PIP4K2A: variants seen among roughly 807,000 people sequenced by gnomAD.
PIP4K2A encodes phosphatidylinositol 5-phosphate 4-kinase type-2 alpha.
A neutral mutation model predicts 42.9 loss-of-function variants in PIP4K2A; 14 were observed. The observed-to-expected ratio is 0.33, with a 90% CI of 0.22 to 0.51. The LOEUF is 0.51. Among genes scored for constraint, PIP4K2A ranks in the 20% least tolerant of loss-of-function variants. The probability of loss-of-function intolerance (pLI) is 0.97; values close to 1 mark genes in which losing one functional copy is unlikely to be tolerated. For missense variants in PIP4K2A, 434 were observed against 519.8 expected, an observed-to-expected ratio of 0.83 and a Z score of 1.61; for synonymous variants, 192 against 192.2, an observed-to-expected ratio of 1.00 and a Z score of 0.01.
intron 1 of PIP4K2A, among the ~76,000 whole-genome samples, chr10:22,682,720 C>A (rs1839686752): frequency 6.6e-6 from 1 of 152,200 alleles, no homozygotes; most frequent in Admixed American, 6.5e-5. Context: ...CTTGTGAATT[C>A]CTCCAGACTG....
intron 1 of PIP4K2A, among the ~76,000 whole-genome samples, chr10:22,657,991 A>C (rs1048632386): frequency 1.3e-5 from 2 of 152,202 alleles, no homozygotes; most frequent in African/African-American, 4.8e-5. Flanking sequence ...CCCTACTGAG[A>C]TCACTGCTAC....
chr10:22,681,241 TCTC>T (rs1216827800), intron 1 of PIP4K2A, among the ~76,000 whole-genome samples: 1 of 152,192 alleles, frequency 6.6e-6, no homozygotes, highest in Admixed American at 6.5e-5. Flanking sequence ...TGTATTCCTT[TCTC>T]CTATTAATCT....
At chr10:22,579,865 T>C (rs1837219841) in intron 4 of PIP4K2A, among the ~76,000 whole-genome samples, 1 of 148,630 alleles carries the variant, frequency 6.7e-6, no homozygotes, top group Non-Finnish European at 1.5e-5. Context: ...GCCGAGAGTG[T>C]GCCACTGCAC....
At chr10:22,655,739 G>A (rs1407578830) in intron 1 of PIP4K2A, among the ~76,000 whole-genome samples, 2 of 152,120 alleles carry the variant, frequency 1.3e-5, no homozygotes, top group Non-Finnish European at 2.9e-5. Context: ...AAAACATTCC[G>A]ACATGCATCT....
At position 22,591,736 on chromosome 10, in the gene PIP4K2A, G is replaced by T; in HGVS notation, c.385C>A (p.Arg129Ser). 1 of 1,613,250 alleles carries T rather than the reference G, an allele frequency of 6.2e-7. No individual in the cohort carries two copies. Among genetic ancestry groups the T allele is most frequent in the Non-Finnish European group, 8.5e-7 (1 of 1,179,490 alleles). The change falls in exon 4 of 10, where the codon CGC (arginine) becomes AGC (serine). Residue 129 changes from arginine (R) to serine (S), a missense_variant. Arg to Ser is a moderately radical substitution (Grantham distance 110, BLOSUM62 -1). Around this residue, in one of 2 missense-constraint regions of PIP4K2A, gnomAD observed 395 missense variants for 444.5 expected, o/e 0.89. Coordinates refer to ENST00000376573, the MANE Select transcript of PIP4K2A (RefSeq NM_005028.5). ...GAAGTGTGAAAACGAGCTCCACTGC[G>T]GGCCTGGGAGTCGTTGGGGAGGGGT... ...SAPLPNDSQA[R>S]SGARFHTSYD...
chr10:22,643,403 ACTGT>A (rs1029966242), intron 1 of PIP4K2A, among the ~76,000 whole-genome samples: 3 of 152,200 alleles, frequency 2.0e-5, no homozygotes, highest in African/African-American at 4.8e-5. Context: ...TAAAATACTT[ACTGT>A]CTTTTTGCAG....
intron 1 of PIP4K2A, among the ~76,000 whole-genome samples, chr10:22,623,134 T>C (rs1406378657): frequency 6.6e-6 from 1 of 151,882 alleles, no homozygotes; most frequent in Non-Finnish European, 1.5e-5. Flanking sequence ...AAAAGCGAGA[T>C]AGAGATGCGT....
chr10:22,708,852 G>GGA (rs1337592941), intron 1 of PIP4K2A, among the ~76,000 whole-genome samples: 3 of 152,172 alleles, frequency 2.0e-5, no homozygotes, highest in Non-Finnish European at 2.9e-5. Flanking sequence ...GTACAACCAT[G>GGA]GCTCCCTGCA....
At chr10:22,625,889 A>C (rs908823213) in intron 1 of PIP4K2A, among the ~76,000 whole-genome samples, 3 of 152,214 alleles carry the variant, frequency 2.0e-5, no homozygotes, top group African/African-American at 7.2e-5. Context: ...TAAATAACTC[A>C]GGAGGGAGGG....
At chr10:22,585,018 C>T (rs1230113191) in intron 4 of PIP4K2A, among the ~76,000 whole-genome samples, 6 of 152,168 alleles carry the variant, frequency 3.9e-5, no homozygotes, top group Admixed American at 1.3e-4. Context: ...ACAGACTCCC[C>T]GACAGCCCCT....
intron 1 of PIP4K2A, among the ~76,000 whole-genome samples, chr10:22,707,360 CTA>C (rs763476590): frequency 3.9e-5 from 6 of 152,270 alleles, no homozygotes; most frequent in Middle Eastern, 3.4e-3. Context: ...AGCTGAAAAA[CTA>C]TAAAGATTTA....
chr10:22,562,270 C>T (rs929288986), intron 6 of PIP4K2A, among the ~76,000 whole-genome samples: 11 of 152,164 alleles, frequency 7.2e-5, no homozygotes, highest in African/African-American at 2.4e-4. Context: ...TCGGCTTGGC[C>T]GGGCGCGGTG....
chr10:22,625,523 T>C (rs569130064), intron 1 of PIP4K2A, among the ~76,000 whole-genome samples: 62 of 152,344 alleles, frequency 4.1e-4, no homozygotes, highest in Non-Finnish European at 7.5e-4. Flanking sequence ...TCTATTGTTC[T>C]AAGGGAGATG....
chr10:22,623,574 AC>A (rs397799003), intron 1 of PIP4K2A, among the ~76,000 whole-genome samples: 1 of 112,374 alleles, frequency 8.9e-6, no homozygotes, highest in South Asian at 2.8e-4. Context: ...GAAGGGAGGT[AC>A]CCCCAGGAAC....
intron 1 of PIP4K2A, among the ~76,000 whole-genome samples, chr10:22,684,323 G>A (rs181508755): frequency 6.2e-4 from 94 of 152,238 alleles, no homozygotes; most frequent in African/African-American, 2.2e-3. Flanking sequence ...TACTAGGTAC[G>A]CTTTGTCTGA....
intron 1 of PIP4K2A, among the ~76,000 whole-genome samples, chr10:22,698,042 G>T (rs1481875997): frequency 3.9e-5 from 6 of 152,144 alleles, no homozygotes; most frequent in Admixed American, 1.3e-4. Context: ...CTTCTGGGAT[G>T]CAGGCACTCT....
intron 7 of PIP4K2A, among the ~76,000 whole-genome samples, chr10:22,548,153 T>C (rs2130754460): frequency 6.6e-6 from 1 of 152,344 alleles, no homozygotes; most frequent in African/African-American, 2.4e-5. Flanking sequence ...TCACCATAAT[T>C]ACCTGCTTAA....
At chr10:22,612,572 AGAG>A (rs1395448657) in intron 1 of PIP4K2A, among the ~76,000 whole-genome samples, 1 of 152,220 alleles carries the variant, frequency 6.6e-6, no homozygotes, top group East Asian at 1.9e-4. Context: ...TGCACCAGAC[AGAG>A]GAGAGCAGCT....
chr10:22,563,821 G>A (rs1421185312), intron 6 of PIP4K2A, among the ~76,000 whole-genome samples: 1 of 152,184 alleles, frequency 6.6e-6, no homozygotes, highest in Non-Finnish European at 1.5e-5. Flanking sequence ...CTCATCTGGT[G>A]ACTGTTAAGG....
Sources: gnomAD v4.1 joint callset for allele counts (sites outside exome capture counted in the v4.1 genomes callset) on GRCh38, gnomAD v4.1.1 for gene constraint, gnomAD v4.1.1 regional missense constraint, MANE v1.5 for transcripts, NCBI Gene and HGNC (gene_info 2026-07-23, HGNC 2026-07-21) for gene names.